Variants in CTNNA3 observed in about 807,000 individuals in gnomAD.
The protein encoded by CTNNA3 is catenin alpha-3.
CTNNA3 carries 76 observed loss-of-function variants against 95.7 expected under a neutral mutation model. The ratio of observed to expected loss-of-function variants is 0.79; its 90% CI spans 0.66 to 0.96. CTNNA3 has a LOEUF of 0.96. Ranked by LOEUF, CTNNA3 falls within the 40% of genes least tolerant of loss-of-function variation. The pLI is 0.00. For missense variants in CTNNA3, 1,191 were observed against 1,089.8 expected, an observed-to-expected ratio of 1.09 and a Z score of -1.31; for synonymous variants, 431 against 374.4, an observed-to-expected ratio of 1.15 and a Z score of -1.74.
intron 11 of CTNNA3, among the ~76,000 whole-genome samples, chr10:66,389,820 C>A (rs1212102683): frequency 6.6e-6 from 1 of 151,560 alleles, no homozygotes; most frequent in African/African-American, 2.4e-5. Flanking sequence ...CTCATTGCAA[C>A]CTCAAACTCT....
intron 2 of CTNNA3, among the ~76,000 whole-genome samples, chr10:67,613,404 T>C (rs975130102): frequency 6.6e-6 from 1 of 152,176 alleles, no homozygotes; most frequent in Non-Finnish European, 1.5e-5. Flanking sequence ...CCCTACATTT[T>C]AGAAGCCTTT....
At chr10:66,691,384 C>T (rs1479788338) in intron 9 of CTNNA3, among the ~76,000 whole-genome samples, 6 of 152,156 alleles carry the variant, frequency 3.9e-5, no homozygotes, top group South Asian at 2.1e-4. Context: ...GATCAAACTG[C>T]GAGGCAGCAG....
At chr10:66,355,253 A>T (rs1212931703) in intron 12 of CTNNA3, among the ~76,000 whole-genome samples, 1 of 152,192 alleles carries the variant, frequency 6.6e-6, no homozygotes, top group Non-Finnish European at 1.5e-5. Context: ...CAATTTTGGT[A>T]GCAAGCCCAT....
chr10:66,385,945 A>C (rs1219533473), intron 11 of CTNNA3, among the ~76,000 whole-genome samples: 1 of 152,204 alleles, frequency 6.6e-6, no homozygotes, highest in Non-Finnish European at 1.5e-5. Context: ...CATATCTCAC[A>C]ATAATAAGAG....
At chr10:67,514,475 G>A (rs1241376691) in intron 5 of CTNNA3, among the ~76,000 whole-genome samples, 1 of 151,948 alleles carries the variant, frequency 6.6e-6, no homozygotes, top group African/African-American at 2.4e-5. Flanking sequence ...CACTTTCAAA[G>A]TGCAAAACAG....
chr10:67,312,901 A>C (rs986333814), intron 5 of CTNNA3, among the ~76,000 whole-genome samples: 6 of 152,232 alleles, frequency 3.9e-5, no homozygotes, highest in Non-Finnish European at 8.8e-5. Context: ...AGTATGTCAC[A>C]AGTAATTTGT....
chr10:66,142,154 T>A (rs1201753486), intron 13 of CTNNA3, among the ~76,000 whole-genome samples: 1 of 152,190 alleles, frequency 6.6e-6, no homozygotes, highest in Non-Finnish European at 1.5e-5. Flanking sequence ...TAGGTCTTTA[T>A]CCATTTTTAG....
At chr10:66,766,445 T>C (rs753984551) in intron 8 of CTNNA3, 29 bp from the exon 9 acceptor site, 1 of 1,575,992 alleles carries the variant, frequency 6.3e-7, no homozygotes, top group South Asian at 1.2e-5. Flanking sequence ...TTCAGGTTTT[T>C]TTTTTCCAGG....
chr10:67,124,993 C>T (rs1589766495), intron 7 of CTNNA3, among the ~76,000 whole-genome samples: 1 of 152,102 alleles, frequency 6.6e-6, no homozygotes, highest in Non-Finnish European at 1.5e-5. Context: ...TCAAGTTAAG[C>T]CAGGTGAGTC....
chr10:67,747,812 C>T (rs1012578568), intron 1 of CTNNA3, among the ~76,000 whole-genome samples: 2 of 152,148 alleles, frequency 1.3e-5, no homozygotes, highest in South Asian at 2.1e-4. Context: ...ACAAACTTCA[C>T]TGAACCAAAG....
At chr10:67,700,275 T>A (rs1433135968), upstream of CTNNA3, among the ~76,000 whole-genome samples, 1 of 152,094 alleles carries the variant, frequency 6.6e-6, no homozygotes, top group Non-Finnish European at 1.5e-5. Context: ...AGAGCAGTGG[T>A]TCTCCCAGCA....
At chr10:67,757,585 T>A (rs1841440878) in intron 1 of CTNNA3, among the ~76,000 whole-genome samples, 1 of 152,204 alleles carries the variant, frequency 6.6e-6, no homozygotes, top group African/African-American at 2.4e-5. Context: ...CTTTCTCCTG[T>A]GGTGGATGCT....
At position 67,563,668 on chromosome 10, in the gene CTNNA3, T is replaced by C. The variant is rs377052410; in HGVS notation, c.293-23999A>G. Among the ~76,000 whole-genome samples the C allele has an allele frequency of 2.0e-4, 30 of 152,244 alleles. No individual in the cohort carries two copies. In the East Asian group the frequency reaches 2.3e-3, roughly 12 times the overall value. On this transcript the variant is annotated intron_variant, in intron 3 of 17. Coordinates refer to ENST00000433211, the MANE Select transcript of CTNNA3 (RefSeq NM_013266.4). The stretch of plus-strand genomic sequence containing the variant: ...GGATCTAATTAAACTAAAGAGCTTC[T>C]GCACAGCAAAAGAAACTACCATCAG...
chr10:66,397,142 A>G (rs943322466), intron 11 of CTNNA3, among the ~76,000 whole-genome samples: 17 of 151,840 alleles, frequency 1.1e-4, no homozygotes, highest in African/African-American at 4.1e-4. Flanking sequence ...AGTTTTCAAT[A>G]AATAGTGGCA....
chr10:67,198,473 T>G (rs1468531013), intron 6 of CTNNA3, among the ~76,000 whole-genome samples: 1 of 152,132 alleles, frequency 6.6e-6, no homozygotes, highest in Non-Finnish European at 1.5e-5. Context: ...AAGTCTTATG[T>G]GGCTAGGATA....
chr10:66,397,827 G>A (rs1190091119), intron 11 of CTNNA3, among the ~76,000 whole-genome samples: 2 of 151,884 alleles, frequency 1.3e-5, no homozygotes, highest in Non-Finnish European at 2.9e-5. Context: ...ACTGGGATCA[G>A]ACTGATCACA....
rs149602923 is a variant in CTNNA3, at chr10:66,801,208, C to T, written c.1048-25684G>A. 4.0e-5 allele frequency among the ~76,000 whole-genome samples: 6 copies of T among 151,370 alleles called. No individual in the cohort carries two copies. In the East Asian group the frequency reaches 7.8e-4, roughly 20 times the overall value. ...TACAAAGAAAAAATGTCTCACACATCGTGATTTACAGACAACAAAATAAAA... is the reference window on the plus strand; with the variant it reads ...TACAAAGAAAAAATGTCTCACACATTGTGATTTACAGACAACAAAATAAAA... On this transcript the variant is annotated intron_variant, in intron 7 of 17. Coordinates refer to ENST00000433211, the MANE Select transcript of CTNNA3 (RefSeq NM_013266.4).
intron 7 of CTNNA3, among the ~76,000 whole-genome samples, chr10:66,860,610 T>G (rs1395383641): frequency 2.0e-5 from 3 of 152,224 alleles, no homozygotes; most frequent in Non-Finnish European, 4.4e-5. Context: ...TCTCTGTTCC[T>G]GTGTATAAGC....
rs117253020 is a variant in CTNNA3 at position 66,414,847 on chromosome 10, T to C, written c.1532-35495A>G. On this transcript the variant is annotated intron_variant, in intron 11 of 17. Transcript: ENST00000433211. Reference sequence around the variant, plus strand: ...AGCAAGGTGCCATTCTAGAGCACCATCCCCAGCAAACTGCACACTACCTGA... The same window carrying C: ...AGCAAGGTGCCATTCTAGAGCACCACCCCCAGCAAACTGCACACTACCTGA... 8.7e-3 allele frequency among the ~76,000 whole-genome samples: 1,326 copies of C among 152,190 alleles called. 5 individuals carry two copies. Among genetic ancestry groups the C allele is most frequent in the Middle Eastern group, 0.037 (11 of 294 alleles).
Sources: allele counts gnomAD v4.1 joint callset (sites outside exome capture counted in the v4.1 genomes callset), GRCh38; gene constraint gnomAD v4.1.1; transcripts MANE v1.5; gene names NCBI Gene and HGNC (gene_info 2026-07-23, HGNC 2026-07-21).